MIPOL1: variants seen among roughly 807,000 people sequenced by gnomAD.
MIPOL1 encodes mirror-image polydactyly 1.
In MIPOL1, 57 loss-of-function variants were observed where a neutral mutation model predicts 60.9. That is an observed-to-expected ratio of 0.94 (90% confidence interval 0.76 to 1.17). The LOEUF (loss-of-function observed/expected upper bound fraction) is 1.17, where lower values mean the gene tolerates loss of function less well. MIPOL1 is among the 50% of genes most tolerant of loss of function. MIPOL1 has a pLI of 0.00. For synonymous variants in MIPOL1, 179 were observed against 168.8 expected, an observed-to-expected ratio of 1.06 and a Z score of -0.47; for missense variants, 551 against 511.6, an observed-to-expected ratio of 1.08 and a Z score of -0.74.
intron 11 of MIPOL1, among the ~76,000 whole-genome samples, chr14:37,477,819 G>C (rs764700730): frequency 3.9e-4 from 60 of 152,244 alleles, no homozygotes; most frequent in Non-Finnish European, 6.9e-4. Flanking sequence ...CATGTGTGCA[G>C]GCTGGATGCA....
At chr14:37,340,841 TACTC>T (rs1297757901) in intron 9 of MIPOL1, among the ~76,000 whole-genome samples, 2 of 152,222 alleles carry the variant, frequency 1.3e-5, no homozygotes, top group Non-Finnish European at 2.9e-5. Context: ...CACATTCACT[TACTC>T]ACTCACCCAG....
intron 6 of MIPOL1, among the ~76,000 whole-genome samples, chr14:37,275,810 T>C (rs2083616227): frequency 1.3e-5 from 2 of 151,222 alleles, no homozygotes; most frequent in Admixed American, 1.3e-4. Flanking sequence ...GTTATTTTTC[T>C]TTCTTGCATG....
chr14:37,232,426 T>G (rs1241330699), intron 1 of MIPOL1, among the ~76,000 whole-genome samples: 1 of 152,188 alleles, frequency 6.6e-6, no homozygotes, highest in African/African-American at 2.4e-5. Context: ...ACATTTTTTC[T>G]CAATATTTTA....
Position 37,449,785 on chromosome 14 carries a change from C to CATTTATTT in MIPOL1, c.1031+26858_1031+26865dup, listed in dbSNP as rs76200007. Among the ~76,000 whole-genome samples the CATTTATTT allele has an allele frequency of 3.7e-3, 558 of 151,674 alleles. 2 individuals are homozygous for CATTTATTT. The highest frequency in any genetic ancestry group is 0.012 in the African/African-American group (502 of 41,318). On this transcript the variant is annotated intron_variant, in intron 11 of 12. Coordinates refer to ENST00000684589, the MANE Select transcript of MIPOL1 (RefSeq NM_001388067.1). The stretch of plus-strand genomic sequence containing the variant: ...TTATCCTGCCTTAAATTTCTGATTA[C>CATTTATTT]ATTTATTTATTTATTTATTTATTTA...
chr14:37,376,986 A>T (rs980655327), intron 10 of MIPOL1, among the ~76,000 whole-genome samples: 2 of 152,118 alleles, frequency 1.3e-5, no homozygotes, highest in East Asian at 3.9e-4. Flanking sequence ...ATCTTTTCCT[A>T]TGGCATCACC....
intron 11 of MIPOL1, among the ~76,000 whole-genome samples, chr14:37,479,362 A>G (rs1211995443): frequency 2.0e-5 from 3 of 152,168 alleles, no homozygotes; most frequent in African/African-American, 7.2e-5. Context: ...TGACCACGTT[A>G]GTATGAACCC....
At chr14:37,292,108 G>A (rs2085124057) in intron 7 of MIPOL1, among the ~76,000 whole-genome samples, 1 of 151,316 alleles carries the variant, frequency 6.6e-6, no homozygotes, top group African/African-American at 2.4e-5. Context: ...TGTATTTTTA[G>A]TAGAGACGGG....
At chr14:37,475,048 T>C (rs1357857577) in intron 11 of MIPOL1, among the ~76,000 whole-genome samples, 1 of 152,028 alleles carries the variant, frequency 6.6e-6, no homozygotes. Context: ...CACTGCAGTC[T>C]CCACCTCCCG....
At chr14:37,202,748 C>CA (rs1965532806) in intron 1 of MIPOL1, among the ~76,000 whole-genome samples, 1 of 152,192 alleles carries the variant, frequency 6.6e-6, no homozygotes, top group African/African-American at 2.4e-5. Context: ...TTCTCCCCTG[C>CA]ATATTGCCTG....
chr14:37,468,329 A>G (rs998712843), intron 11 of MIPOL1, among the ~76,000 whole-genome samples: 2 of 152,152 alleles, frequency 1.3e-5, no homozygotes, highest in African/African-American at 4.8e-5. Context: ...AACCACTGAA[A>G]TCCACAATGA....
At chr14:37,498,378 T>A (rs2095165070) in intron 11 of MIPOL1, among the ~76,000 whole-genome samples, 1 of 152,236 alleles carries the variant, frequency 6.6e-6, no homozygotes, top group Non-Finnish European at 1.5e-5. Flanking sequence ...GTACCTTTTT[T>A]AAGGTTTAGC....
intron 11 of MIPOL1, among the ~76,000 whole-genome samples, chr14:37,424,819 T>C (rs546739981): frequency 2.0e-5 from 3 of 152,286 alleles, no homozygotes; most frequent in Non-Finnish European, 2.9e-5. Context: ...TCCTCTGTCT[T>C]TTACACCAAT....
chr14:37,499,974 T>A lies in MIPOL1; in HGVS notation c.1098T>A (p.Tyr366Ter). Residue 366 changes from tyrosine to a stop codon, truncating the protein, a stop_gained, in exon 12 of 13, where the codon TAT becomes TAA. Transcript: ENST00000684589. LOFTEE classifies it high-confidence loss of function. ...AGTTTAACTATACCCTTAGTACATATGAAGAAGCTTTAAAAAACAGAGAGA... is the reference window on the plus strand; with the variant it reads ...AGTTTAACTATACCCTTAGTACATAAGAAGAAGCTTTAAAAAACAGAGAGA... ...KDQFNYTLST[Y>*]EEALKNRENI... The A allele has an allele frequency of 1.9e-6, 3 of 1,613,282 alleles. No individual in the cohort carries two copies. The highest frequency in any genetic ancestry group is 2.5e-6 in the Non-Finnish European group (3 of 1,179,286).
chr14:37,344,990 C>T (rs1186661107), intron 9 of MIPOL1, among the ~76,000 whole-genome samples: 8 of 144,798 alleles, frequency 5.5e-5, no homozygotes, highest in Non-Finnish European at 3.0e-5. Context: ...CGACTCCAGC[C>T]TGGGTGATAG....
At chr14:37,248,871 G>C (rs751276184) in intron 3 of MIPOL1, among the ~76,000 whole-genome samples, 2 of 152,060 alleles carry the variant, frequency 1.3e-5, no homozygotes, top group Non-Finnish European at 2.9e-5. Context: ...TGCACGTGTG[G>C]AGGAACACAG....
At position 37,270,478 on chromosome 14, in the gene MIPOL1, A is replaced by C; in HGVS notation, c.446A>C (p.Glu149Ala). ...CAGAGAAAACTAAAGTTTAAGCTGG[A>C]ACTCCAAGAGAAAGAAACAGAAGCT... The part of the protein sequence containing the change: ...KEQRKLKFKL[E>A]LQEKETEAKI... Residue 149 changes from glutamate (E) to alanine (A), a missense_variant, in exon 6 of 13, where the codon GAA (glutamate) becomes GCA (alanine). Physicochemically the swap from Glu to Ala is moderately radical, Grantham distance 107. Transcript: ENST00000684589. The C allele has an allele frequency of 7.5e-6, 12 of 1,603,344 alleles. No homozygotes were observed. The highest frequency in any genetic ancestry group is 1.0e-5 in the Non-Finnish European group (12 of 1,174,374).
intron 1 of MIPOL1, among the ~76,000 whole-genome samples, chr14:37,246,456 G>C (rs772228490): frequency 4.6e-5 from 7 of 151,980 alleles, no homozygotes; most frequent in Admixed American, 3.9e-4. Flanking sequence ...TGGTTATTTT[G>C]TCTAGAGGCT....
chr14:37,549,002 A>C lies in MIPOL1; in HGVS notation c.*2031A>C, dbSNP rs1270450063. ...TCCTCTTGAAAATGAATTGTCTACAAAATTTCAAATGCAAAGTATTACAGC... is the reference window on the plus strand; with the variant it reads ...TCCTCTTGAAAATGAATTGTCTACACAATTTCAAATGCAAAGTATTACAGC... On this transcript the variant is annotated 3_prime_UTR_variant, in exon 13 of 13. Coordinates refer to ENST00000684589, the MANE Select transcript of MIPOL1 (RefSeq NM_001388067.1). 1 of 152,030 alleles carries C rather than the reference A, an allele frequency of 6.6e-6. No homozygotes were observed. Among genetic ancestry groups the C allele is most frequent in the African/African-American group, 2.4e-5 (1 of 41,450 alleles). The allele number at this position is 152,030 out of a possible 1,614,324, so 9.4% of individuals were successfully genotyped here. A position where few individuals can be genotyped will look rare whatever the true frequency, so the allele number is the denominator to read the frequency against.
intron 6 of MIPOL1, among the ~76,000 whole-genome samples, chr14:37,281,375 T>G (rs2153405333): frequency 6.6e-6 from 1 of 152,288 alleles, no homozygotes; most frequent in East Asian, 1.9e-4. Flanking sequence ...TGTCTTTTTA[T>G]GACAATACCA....
Sources: allele counts gnomAD v4.1 joint callset (sites outside exome capture counted in the v4.1 genomes callset), GRCh38; gene constraint gnomAD v4.1.1; transcripts MANE v1.5; gene names NCBI Gene and HGNC (gene_info 2026-07-23, HGNC 2026-07-21).